The following KIFAP3 variants were observed in gnomAD, a reference collection of about 807,000 sequenced individuals.
KIFAP3 encodes kinesin associated protein 3, also known as kinesin-associated protein 3.
KIFAP3 carries 68 observed loss-of-function variants against 106.5 expected under a neutral mutation model. That is an observed-to-expected ratio of 0.64 (90% CI 0.53 to 0.78). The LOEUF (loss-of-function observed/expected upper bound fraction) is 0.78, where lower values mean the gene tolerates loss of function less well. KIFAP3 is among the 30% of genes least tolerant of loss of function. The pLI, the probability that KIFAP3 is intolerant of heterozygous loss-of-function variation, is 0.00. For missense variants in KIFAP3, 780 were observed against 941.8 expected, an observed-to-expected ratio of 0.83 and a Z score of 2.25; for synonymous variants, 320 against 311.5, an observed-to-expected ratio of 1.03 and a Z score of -0.29.
At chr1:170,077,961 T>C (rs1306290750), upstream of KIFAP3, among the ~76,000 whole-genome samples, 1 of 152,142 alleles carries the variant, frequency 6.6e-6, no homozygotes, top group Non-Finnish European at 1.5e-5. Context: ...TTGAAAGACA[T>C]TTGAGTTGCT....
At chr1:170,019,890 A>G (rs1299265324) in intron 9 of KIFAP3, among the ~76,000 whole-genome samples, 2 of 152,248 alleles carry the variant, frequency 1.3e-5, no homozygotes, top group Non-Finnish European at 2.9e-5. Flanking sequence ...GGAAGAAACA[A>G]AACTTTCTAT....
chr1:170,059,386 A>G (rs978357706), intron 1 of KIFAP3, among the ~76,000 whole-genome samples: 2 of 152,232 alleles, frequency 1.3e-5, no homozygotes, highest in African/African-American at 2.4e-5. Context: ...AAACACCTCT[A>G]TGCAAATAAA....
intron 1 of KIFAP3, among the ~76,000 whole-genome samples, chr1:170,060,451 C>A (rs1224353365): frequency 1.3e-5 from 2 of 152,250 alleles, no homozygotes; most frequent in East Asian, 3.9e-4. Flanking sequence ...ATCCAACTTA[C>A]AAGGGATGTG....
At chr1:170,065,265 A>G (rs185326700) in intron 1 of KIFAP3, among the ~76,000 whole-genome samples, 13 of 152,298 alleles carry the variant, frequency 8.5e-5, no homozygotes, top group Admixed American at 5.9e-4. Context: ...ACTTAAAAGT[A>G]TATTTTTTGG....
At chr1:170,011,764 A>T (rs560260712) in intron 10 of KIFAP3, among the ~76,000 whole-genome samples, 1 of 152,208 alleles carries the variant, frequency 6.6e-6, no homozygotes, top group South Asian at 2.1e-4. Context: ...CTTTTGTATA[A>T]GCATTGTAGC....
chr1:169,983,506 T>C (rs1012072995), intron 12 of KIFAP3, 124 bp from the exon 13 acceptor site: 2 of 661,526 alleles, frequency 3.0e-6, no homozygotes, highest in Non-Finnish European at 5.3e-6. Flanking sequence ...AGGGTACAAT[T>C]TGATTAATTT....
At chr1:169,949,254 C>T (rs1664607792) in intron 19 of KIFAP3, among the ~76,000 whole-genome samples, 1 of 151,730 alleles carries the variant, frequency 6.6e-6, no homozygotes, top group African/African-American at 2.4e-5. Context: ...AAGAGGCAGG[C>T]TATAACACAC....
chr1:169,948,293 C>T (rs1437853899), intron 19 of KIFAP3, among the ~76,000 whole-genome samples: 6 of 151,646 alleles, frequency 4.0e-5, no homozygotes, highest in Non-Finnish European at 8.9e-5. Context: ...GTTATGTCTG[C>T]TTTATTTTGT....
At chr1:169,988,071 T>C (rs1016050920) in intron 11 of KIFAP3, among the ~76,000 whole-genome samples, 12 of 152,052 alleles carry the variant, frequency 7.9e-5, no homozygotes, top group Admixed American at 5.2e-4. Context: ...TTAGAATACA[T>C]TGGATAACTA....
At chr1:169,938,522 G>A (rs1046514960) in intron 19 of KIFAP3, among the ~76,000 whole-genome samples, 1 of 152,066 alleles carries the variant, frequency 6.6e-6, no homozygotes, top group Non-Finnish European at 1.5e-5. Flanking sequence ...CATTGAAAAT[G>A]AAACAGCATG....
chr1:169,934,268 C>T (rs1663662122), intron 19 of KIFAP3, among the ~76,000 whole-genome samples: 1 of 152,056 alleles, frequency 6.6e-6, no homozygotes, highest in African/African-American at 2.4e-5. Flanking sequence ...TAAAATAATG[C>T]CGTGGCCAAT....
intron 10 of KIFAP3, among the ~76,000 whole-genome samples, chr1:170,010,315 A>G (rs774164642): frequency 3.3e-5 from 5 of 152,032 alleles, no homozygotes; most frequent in Non-Finnish European, 7.4e-5. Flanking sequence ...AGCATGAGAT[A>G]GAAAATTTAA....
At position 170,004,676 on chromosome 1, in the gene KIFAP3, CCCTT is replaced by C. The variant is rs1457735126; in HGVS notation, c.1183+11782_1183+11785del. ...CATATGTAGAAAGCTGAAACTGGATCCCTTCCTTACACCTTATACAAAAATTAAT... is the reference window on the plus strand; with the variant it reads ...CATATGTAGAAAGCTGAAACTGGATCCCTTACACCTTATACAAAAATTAAT... On this transcript the variant is annotated intron_variant, in intron 10 of 19. Coordinates refer to ENST00000361580, the MANE Select transcript of KIFAP3 (RefSeq NM_014970.4). Among the ~76,000 whole-genome samples, 3 of 151,886 alleles carry C rather than the reference CCCTT, an allele frequency of 2.0e-5. No homozygotes were observed. The East Asian group carries it at 5.8e-4, about 29-fold the overall frequency.
At chr1:169,960,725 A>G (rs1463685852) in intron 18 of KIFAP3, among the ~76,000 whole-genome samples, 2 of 152,150 alleles carry the variant, frequency 1.3e-5, no homozygotes, top group Admixed American at 6.6e-5. Context: ...AGAAAAATGA[A>G]TATTACATTT....
chr1:169,940,290 T>C (rs986060830), intron 19 of KIFAP3, among the ~76,000 whole-genome samples: 1 of 152,162 alleles, frequency 6.6e-6, no homozygotes, highest in Admixed American at 6.5e-5. Flanking sequence ...GTAAATTAGA[T>C]AAGGGATGTA....
chr1:169,943,418 A>G (rs1571533513), intron 19 of KIFAP3, among the ~76,000 whole-genome samples: 1 of 152,176 alleles, frequency 6.6e-6, no homozygotes, highest in Non-Finnish European at 1.5e-5. Flanking sequence ...AATCTACCTT[A>G]AATTAGAAAA....
intron 9 of KIFAP3, among the ~76,000 whole-genome samples, chr1:170,023,802 T>C (rs916485349): frequency 3.3e-5 from 5 of 152,182 alleles, no homozygotes; most frequent in African/African-American, 1.2e-4. Flanking sequence ...CAAGGATCAT[T>C]GTATCAACAC....
intron 17 of KIFAP3, among the ~76,000 whole-genome samples, chr1:169,971,679 C>G (rs186003626): frequency 1.3e-5 from 2 of 151,924 alleles, no homozygotes; most frequent in East Asian, 3.9e-4. Context: ...GGATTTCCAA[C>G]TAAGTTATTG....
chr1:170,043,054 T>C (rs530565782), intron 3 of KIFAP3, among the ~76,000 whole-genome samples: 6 of 152,194 alleles, frequency 3.9e-5, no homozygotes, highest in Non-Finnish European at 7.3e-5. Context: ...CTGTAACTTT[T>C]ACGTTTAGTA....
Sources: allele counts gnomAD v4.1 joint callset (sites outside exome capture counted in the v4.1 genomes callset), GRCh38; gene constraint gnomAD v4.1.1; transcripts MANE v1.5; gene names NCBI Gene and HGNC (gene_info 2026-07-23, HGNC 2026-07-21).